TMEM178B: variants seen among roughly 807,000 people sequenced by gnomAD.
The protein encoded by TMEM178B is transmembrane protein 178B.
Under a neutral mutation model 31.0 loss-of-function variants are expected in TMEM178B, and 5 were observed. The ratio of observed to expected loss-of-function variants is 0.16; its 90% confidence interval spans 0.08 to 0.34. The LOEUF (loss-of-function observed/expected upper bound fraction) is 0.34. Among genes scored for constraint, TMEM178B ranks in the 10% least tolerant of loss-of-function variants. The probability of loss-of-function intolerance (pLI) is 1.00; values close to 1 mark genes in which losing one functional copy is unlikely to be tolerated. For synonymous variants in TMEM178B, 164 were observed against 164.0 expected, an observed-to-expected ratio of 1.00 and a Z score of 0.00; for missense variants, 275 against 400.3, an observed-to-expected ratio of 0.69 and a Z score of 2.67.
the TMEM178B span, among the ~76,000 whole-genome samples, chr7:141,493,283 C>G: frequency 6.6e-6 from 1 of 152,178 alleles, no homozygotes; most frequent in Non-Finnish European, 1.5e-5. Flanking sequence ...AGAGCCCTTG[C>G]TATGTGTAAG....
At chr7:141,383,783 G>A (rs1800375164) in intron 2 of TMEM178B, among the ~76,000 whole-genome samples, 1 of 152,160 alleles carries the variant, frequency 6.6e-6, no homozygotes, top group Non-Finnish European at 1.5e-5. Context: ...GATCCTTGAG[G>A]AATCACCACA....
At chr7:141,373,430 C>A (rs567795632) in intron 2 of TMEM178B, among the ~76,000 whole-genome samples, 19 of 152,294 alleles carry the variant, frequency 1.2e-4, no homozygotes, top group African/African-American at 4.3e-4. Flanking sequence ...AAATACACTA[C>A]GAGACTGAGA....
rs150577180 is a variant in TMEM178B at position 141,126,729 on chromosome 7, C to T, written c.382+52037C>T. Among the ~76,000 whole-genome samples the T allele has an allele frequency of 2.6e-3, 399 of 152,260 alleles. 1 individual carries two copies. The highest frequency in any genetic ancestry group is 9.1e-3 in the African/African-American group (376 of 41,536). On this transcript the variant is annotated intron_variant, in intron 1 of 3. Coordinates refer to ENST00000565468, the MANE Select transcript of TMEM178B (RefSeq NM_001195278.2). ...TTTATGTCTTGTTTATATCCGTGGG[C>T]ACTTGATGGACAGGCTAAGTTGGAT...
At chr7:141,244,502 C>T (rs774596886) in intron 2 of TMEM178B, among the ~76,000 whole-genome samples, 3 of 152,198 alleles carry the variant, frequency 2.0e-5, no homozygotes, top group Non-Finnish European at 4.4e-5. Flanking sequence ...AAAAGATACA[C>T]ATGTGAGTAA....
chr7:141,074,784 T>A lies in TMEM178B; in HGVS notation c.382+92T>A. 1.4e-6 allele frequency: 2 copies of A among 1,424,812 alleles called. No homozygotes were observed. The highest frequency in any genetic ancestry group is 1.8e-6 in the Non-Finnish European group (2 of 1,090,860). 88.3% of individuals were successfully genotyped at this position (1,424,812 alleles called of 1,614,324 possible). A position where few individuals can be genotyped will look rare whatever the true frequency, so the allele number is the denominator to read the frequency against. On this transcript the variant is annotated intron_variant, in intron 1 of 3. Coordinates refer to ENST00000565468, the MANE Select transcript of TMEM178B (RefSeq NM_001195278.2). This position sits in a 1 kb window ranked among gnomAD's most constrained non-coding sequence, Gnocchi z 5.1. ...CGTCTCCTTCCCAGGCCACAGGCTA[T>A]CAGGTCTCTGGGTTCCAGGCGGTCC... is the stretch of plus-strand genomic sequence containing the variant.
the TMEM178B span, among the ~76,000 whole-genome samples, chr7:141,504,780 C>A: frequency 6.6e-6 from 1 of 152,284 alleles, no homozygotes; most frequent in South Asian, 2.1e-4. Context: ...CGCTTTAATG[C>A]ACCCATCACC....
chr7:141,119,495 C>A (rs1159874211), intron 1 of TMEM178B, among the ~76,000 whole-genome samples: 1 of 152,180 alleles, frequency 6.6e-6, no homozygotes, highest in Non-Finnish European at 1.5e-5. Context: ...CATGTGTACT[C>A]TCTCTGCCTA....
At chr7:141,161,771 G>A (rs892265531) in intron 1 of TMEM178B, among the ~76,000 whole-genome samples, 15 of 152,130 alleles carry the variant, frequency 9.9e-5, no homozygotes, top group East Asian at 5.8e-4. Context: ...GGTGGTGTGT[G>A]TGACAGTGTG....
chr7:141,295,734 CGGG>C (rs35020004), intron 2 of TMEM178B, among the ~76,000 whole-genome samples: 59,912 of 151,814 alleles, frequency 0.39, 12,510 homozygotes, highest in Admixed American at 0.48. Context: ...ACAAAGCACA[CGGG>C]GGCCAAGAGC....
rs114981641 is a variant in TMEM178B, at chr7:141,348,034, G to A, written c.497-89574G>A. On this transcript the variant is annotated intron_variant, in intron 2 of 3. Transcript: ENST00000565468. Reference sequence around the variant, plus strand: ...ACTAGCTGGGAGAGAAAAGGGTTTAGACAGATCTAACCACATTTAGCAACA... The same window carrying A: ...ACTAGCTGGGAGAGAAAAGGGTTTAAACAGATCTAACCACATTTAGCAACA... 7.4e-3 allele frequency among the ~76,000 whole-genome samples: 1,125 copies of A among 152,324 alleles called. 15 individuals are homozygous for A. The highest frequency in any genetic ancestry group is 0.026 in the African/African-American group (1,070 of 41,580).
intron 1 of TMEM178B, among the ~76,000 whole-genome samples, chr7:141,201,195 G>T (rs1426897285): frequency 6.6e-6 from 1 of 152,236 alleles, no homozygotes; most frequent in Non-Finnish European, 1.5e-5. Flanking sequence ...GCACACAGCA[G>T]CCCACAAAGC....
At chr7:141,440,622 A>G (rs1801640508) in intron 3 of TMEM178B, among the ~76,000 whole-genome samples, 2 of 152,104 alleles carry the variant, frequency 1.3e-5, no homozygotes, top group African/African-American at 2.4e-5. Context: ...GGGAAAGCTC[A>G]TCCAAGCTTT....
chr7:141,217,291 T>C (rs368196356), intron 2 of TMEM178B, among the ~76,000 whole-genome samples: 2 of 152,200 alleles, frequency 1.3e-5, no homozygotes, highest in East Asian at 3.9e-4. Flanking sequence ...AGGTGGGGCC[T>C]GGGCCTTTCC....
At chr7:141,085,463 T>A (rs1325850638) in intron 1 of TMEM178B, among the ~76,000 whole-genome samples, 1 of 152,196 alleles carries the variant, frequency 6.6e-6, no homozygotes, top group African/African-American at 2.4e-5. Flanking sequence ...TCTGAATTAT[T>A]TCAATTGATT....
chr7:141,219,969 G>C (rs1797228323), intron 2 of TMEM178B, among the ~76,000 whole-genome samples: 2 of 152,096 alleles, frequency 1.3e-5, no homozygotes, highest in Non-Finnish European at 2.9e-5. Flanking sequence ...TTTTCAGGAG[G>C]CCTGCCCCAA....
the TMEM178B span, among the ~76,000 whole-genome samples, chr7:141,492,486 C>A: frequency 6.6e-6 from 1 of 152,186 alleles, no homozygotes; most frequent in Non-Finnish European, 1.5e-5. Flanking sequence ...GCCCCTGAGC[C>A]TAGCACAATG....
intron 3 of TMEM178B, among the ~76,000 whole-genome samples, chr7:141,446,121 G>A (rs968480916): frequency 6.6e-6 from 1 of 152,182 alleles, no homozygotes; most frequent in Admixed American, 6.5e-5. Context: ...TTTACCTAAT[G>A]TACCTCACGT....
intron 2 of TMEM178B, among the ~76,000 whole-genome samples, chr7:141,259,099 A>G (rs2116356192): frequency 1.3e-5 from 2 of 152,190 alleles, no homozygotes; most frequent in East Asian, 3.9e-4. Flanking sequence ...TATTATATGT[A>G]TGCTTGATAG....
chr7:141,243,195 G>T (rs1797655529), intron 2 of TMEM178B, among the ~76,000 whole-genome samples: 2 of 152,090 alleles, frequency 1.3e-5, no homozygotes, highest in Admixed American at 1.3e-4. Flanking sequence ...ATGAAGGGGA[G>T]AATTGTCTCT....
Sources: gnomAD v4.1 joint callset for allele counts (sites outside exome capture counted in the v4.1 genomes callset) on GRCh38, gnomAD v4.1.1 for gene constraint, Gnocchi (gnomAD v3.1) non-coding constraint, MANE v1.5 for transcripts, NCBI Gene and HGNC (gene_info 2026-07-23, HGNC 2026-07-21) for gene names.